The following CHRNA3 variants were observed in gnomAD, a reference collection of about 807,000 sequenced individuals.
CHRNA3 encodes neuronal acetylcholine receptor subunit alpha-3.
CHRNA3 carries 34 observed loss-of-function variants against 41.9 expected under a neutral mutation model. The observed-to-expected ratio is 0.81, with a 90% CI of 0.62 to 1.08. The LOEUF (loss-of-function observed/expected upper bound fraction) is 1.08. Ranked by LOEUF, CHRNA3 falls within the 50% of genes least tolerant of loss-of-function variation. The pLI is 0.00. For synonymous variants in CHRNA3, 281 were observed against 265.2 expected (o/e 1.06, Z -0.58); for missense variants, 542 against 638.3 (o/e 0.85, Z 1.63).
At chr15:78,596,816 C>A in intron 5 of CHRNA3, 84 bp from the exon 6 acceptor site, 1 of 1,497,252 alleles carries the variant, frequency 6.7e-7, no homozygotes, top group Non-Finnish European at 8.8e-7. Flanking sequence ...GTAATCAACA[C>A]GTTGCAGTAG....
chr15:78,610,268 A>G (rs944118597), intron 4 of CHRNA3, among the ~76,000 whole-genome samples: 2 of 152,226 alleles, frequency 1.3e-5, no homozygotes, highest in African/African-American at 4.8e-5. Context: ...TCAACAGAAC[A>G]TACATTTTTT....
At chr15:78,607,769 G>C (rs1381482580) in intron 4 of CHRNA3, among the ~76,000 whole-genome samples, 1 of 152,224 alleles carries the variant, frequency 6.6e-6, no homozygotes, top group African/African-American at 2.4e-5. Context: ...GCAGGGCGAG[G>C]CATTGCCTCA....
At chr15:78,617,372 A>C (rs979409236) in intron 3 of CHRNA3, among the ~76,000 whole-genome samples, 1 of 152,068 alleles carries the variant, frequency 6.6e-6, no homozygotes, top group Admixed American at 6.6e-5. Flanking sequence ...AACCATGAGC[A>C]AGCCCAGCCC....
At chr15:78,615,739 ATTTTTTTTTT>A (rs532401932) in intron 4 of CHRNA3, among the ~76,000 whole-genome samples, 5 of 101,876 alleles carry the variant, frequency 4.9e-5, no homozygotes, top group African/African-American at 2.1e-4. Flanking sequence ...AGGCACCTGT[ATTTTTTTTTT>A]TTTTTTTTTT....
In CHRNA3 at chr15:78,601,603, A is replaced by G. The variant is rs150243010; in HGVS notation, c.1039T>C (p.Leu347=). 4.6e-5 allele frequency: 75 copies of G among 1,614,206 alleles called. No individual in the cohort carries two copies. The African/African-American group carries it at 8.3e-4, about 18-fold the overall frequency. Residue 347 remains leucine (L), a synonymous_variant, in exon 5 of 6, where the codon TTG becomes CTG. Coordinates refer to ENST00000326828, the MANE Select transcript of CHRNA3 (RefSeq NM_000743.5). ...AACATGACCCTGGGGAGCAGGTTCA[A>G]GAATACAGTCTTCACCCATGAGGGC... is the stretch of plus-strand genomic sequence containing the variant. ...TMPSWVKTVF[L]NLLPRVMFMT... is the part of the protein sequence containing the mutation.
At chr15:78,603,899 G>A (rs1192839676) in intron 4 of CHRNA3, among the ~76,000 whole-genome samples, 1 of 152,122 alleles carries the variant, frequency 6.6e-6, no homozygotes, top group Non-Finnish European at 1.5e-5. Flanking sequence ...GAGGTAGGAG[G>A]GTGGGGTGGA....
intron 4 of CHRNA3, among the ~76,000 whole-genome samples, chr15:78,616,360 AC>A (rs1174119329): frequency 5.8e-4 from 33 of 56,796 alleles, no homozygotes; most frequent in Non-Finnish European, 4.5e-4. Flanking sequence ...TCCCCCCCCC[AC>A]CCCCCCAAAA....
In CHRNA3 at chr15:78,595,350, G is replaced by C; in HGVS notation, c.*1254C>G. On this transcript the variant is annotated 3_prime_UTR_variant, in exon 6 of 6. Transcript: ENST00000326828. The stretch of plus-strand genomic sequence containing the variant: ...TTATTTTTGCACAGGAAAAACTAGT[G>C]AGACAAGATTCAAACAGTCTCTGTG... 6 of 952,190 alleles carry C rather than the reference G, an allele frequency of 6.3e-6. No individual in the cohort carries two copies. Among genetic ancestry groups the C allele is most frequent in the Non-Finnish European group, 7.3e-6 (6 of 820,334 alleles). 59.0% of individuals were successfully genotyped at this position (952,190 alleles called of 1,614,324 possible).
intron 4 of CHRNA3, among the ~76,000 whole-genome samples, chr15:78,608,216 T>C (rs1335727906): frequency 1.3e-5 from 2 of 152,202 alleles, no homozygotes; most frequent in Non-Finnish European, 2.9e-5. Context: ...AGGAGAGTAA[T>C]GGTTCTCCCA....
At chr15:78,620,023 G>C (rs568490486) in intron 1 of CHRNA3, 3 of 152,584 alleles carry the variant, frequency 2.0e-5, no homozygotes, top group Non-Finnish European at 4.4e-5. Context: ...ATTCCCTGCA[G>C]CCTTGCCCGG....
chr15:78,608,013 G>A (rs905980442), intron 4 of CHRNA3, among the ~76,000 whole-genome samples: 2 of 152,246 alleles, frequency 1.3e-5, no homozygotes, highest in Admixed American at 6.5e-5. Context: ...CGGCAGCGAT[G>A]CTGGGGGAGG....
intron 4 of CHRNA3, among the ~76,000 whole-genome samples, chr15:78,605,072 G>A (rs1182065734): frequency 1.3e-5 from 2 of 152,026 alleles, no homozygotes; most frequent in African/African-American, 2.4e-5. Flanking sequence ...GGTGGGAAGG[G>A]TCTGAGCAAT....
chr15:78,617,292 T>C (rs571634451), intron 3 of CHRNA3, among the ~76,000 whole-genome samples, 159 bp from the exon 4 acceptor site: 10 of 152,258 alleles, frequency 6.6e-5, no homozygotes, highest in African/African-American at 2.4e-4. Flanking sequence ...CCTGTGGGTG[T>C]AGTGCAGGAG....
intron 4 of CHRNA3, among the ~76,000 whole-genome samples, chr15:78,610,248 C>T (rs2053361781): frequency 6.6e-6 from 1 of 152,184 alleles, no homozygotes; most frequent in Admixed American, 6.5e-5. Flanking sequence ...ACAGAACTCT[C>T]CACCCCAAAT....
At chr15:78,617,435 AGG>A (rs2053480837) in intron 3 of CHRNA3, among the ~76,000 whole-genome samples, 1 of 152,168 alleles carries the variant, frequency 6.6e-6, no homozygotes, top group South Asian at 2.1e-4. Context: ...TTCTAGTGCC[AGG>A]TGGAGACTCC....
chr15:78,619,023 G>T, intron 1 of CHRNA3, 108 bp from the exon 2 acceptor site: 1 of 1,288,012 alleles, frequency 7.8e-7, no homozygotes, highest in Non-Finnish European at 1.1e-6. Context: ...CCTGTGGGGG[G>T]ATTCTGTGGA....
chr15:78,597,633 T>G (rs1035688128), intron 5 of CHRNA3, among the ~76,000 whole-genome samples: 4 of 152,064 alleles, frequency 2.6e-5, no homozygotes, highest in African/African-American at 9.7e-5. Flanking sequence ...CAGAAATAAT[T>G]GCTGACAATA....
chr15:78,610,915 A>G (rs1276189500), intron 4 of CHRNA3, among the ~76,000 whole-genome samples: 3 of 152,250 alleles, frequency 2.0e-5, no homozygotes, highest in Non-Finnish European at 4.4e-5. Flanking sequence ...CAGAAATACA[A>G]ATTACCATCA....
Position 78,617,072 on chromosome 15 carries a change from C to T in CHRNA3, c.329G>A (p.Arg110His), listed in dbSNP as rs77574318. 486 of 1,613,918 alleles carry T rather than the reference C, an allele frequency of 3.0e-4. No individual in the cohort carries two copies. The highest frequency in any genetic ancestry group is 3.7e-4 in the Non-Finnish European group (437 of 1,179,934). ...CTTCCAGATCTTCTGTGCAGGGACA[C>T]GCATGAACTCTGCCCCACCATAGTC... Reference protein sequence around the residue: ...PSDYGGAEFMRVPAQKIWKPD... With the variant: ...PSDYGGAEFMHVPAQKIWKPD... Residue 110 changes from arginine (R) to histidine (H), a missense_variant, in exon 4 of 6, where the codon CGT (arginine) becomes CAT (histidine). By Grantham distance (29) the Arg-to-His change is conservative. Transcript: ENST00000326828.
Sources: allele counts gnomAD v4.1 joint callset (sites outside exome capture counted in the v4.1 genomes callset), GRCh38; gene constraint gnomAD v4.1.1; transcripts MANE v1.5; gene names NCBI Gene and HGNC (gene_info 2026-07-23, HGNC 2026-07-21).